The following ADGRL4 variants were observed in gnomAD, a reference collection of about 807,000 sequenced individuals.
ADGRL4 encodes EGF, latrophilin and seven transmembrane domain containing 1.
ADGRL4 carries 90 observed loss-of-function variants against 74.8 expected under a neutral mutation model. That is an observed-to-expected ratio of 1.20 (90% CI 1.02 to 1.43). ADGRL4 has a LOEUF of 1.43. ADGRL4 is among the 40% of genes most tolerant of loss of function. ADGRL4 has a pLI of 0.00. For synonymous variants in ADGRL4, 311 were observed against 279.2 expected, an observed-to-expected ratio of 1.11 and a Z score of -1.14; for missense variants, 881 against 814.3, an observed-to-expected ratio of 1.08 and a Z score of -1.00.
rs1650259841 is a variant in ADGRL4, at chr1:78,975,563, A to G, written c.173-29137T>C. ...GCCCAGGATGACATCTGACTTTGCCACTACTGCAATTTCTTAAACTCTAAA... is the reference window on the plus strand; with the variant it reads ...GCCCAGGATGACATCTGACTTTGCCGCTACTGCAATTTCTTAAACTCTAAA... On this transcript the variant is annotated intron_variant, in intron 2 of 14. Coordinates refer to ENST00000370742, the MANE Select transcript of ADGRL4 (RefSeq NM_022159.4). Among the ~76,000 whole-genome samples, 3 of 151,948 alleles carry G rather than the reference A, an allele frequency of 2.0e-5. 1 individual carries two copies. The highest frequency in any genetic ancestry group is 4.4e-5 in the Non-Finnish European group (3 of 67,938).
At chr1:78,931,902 C>T (rs1379316676) in intron 7 of ADGRL4, among the ~76,000 whole-genome samples, 2 of 151,384 alleles carry the variant, frequency 1.3e-5, no homozygotes, top group Non-Finnish European at 2.9e-5. Context: ...TATATATGCA[C>T]CCGATACAGG....
intron 2 of ADGRL4, among the ~76,000 whole-genome samples, chr1:78,979,797 G>C (rs895476835): frequency 7.2e-5 from 11 of 151,906 alleles, no homozygotes; most frequent in African/African-American, 2.2e-4. Flanking sequence ...AGTAACTTAG[G>C]AATAGAAAAG....
intron 2 of ADGRL4, among the ~76,000 whole-genome samples, chr1:78,957,959 T>G (rs1299665482): frequency 6.6e-6 from 1 of 152,130 alleles, no homozygotes; most frequent in Admixed American, 6.6e-5. Flanking sequence ...CATTTACCAT[T>G]CCAAATATCC....
chr1:78,900,297 T>G (rs966879727), intron 12 of ADGRL4, among the ~76,000 whole-genome samples: 3 of 152,086 alleles, frequency 2.0e-5, no homozygotes, highest in African/African-American at 7.2e-5. Context: ...CCAGAGACAT[T>G]GATATCTTGA....
At chr1:78,952,252 A>G (rs1199211202) in intron 2 of ADGRL4, among the ~76,000 whole-genome samples, 2 of 151,774 alleles carry the variant, frequency 1.3e-5, no homozygotes, top group Admixed American at 6.6e-5. Flanking sequence ...AAACTTGAAC[A>G]CTAAAATGAC....
chr1:79,004,147 G>A (rs1650909981), intron 2 of ADGRL4, among the ~76,000 whole-genome samples: 2 of 151,894 alleles, frequency 1.3e-5, no homozygotes, highest in Non-Finnish European at 2.9e-5. Flanking sequence ...ACAATATCCT[G>A]GCTTAATTAG....
At position 78,939,032 on chromosome 1, in the gene ADGRL4, G is replaced by C. The variant is rs144365134; in HGVS notation, c.396+156C>G. Among the ~76,000 whole-genome samples, 240 of 152,080 alleles carry C rather than the reference G, an allele frequency of 1.6e-3. 2 individuals are homozygous for C. Among genetic ancestry groups the C allele is most frequent in the Non-Finnish European group, 1.0e-3 (70 of 67,890 alleles). Reference sequence around the variant, plus strand: ...GGATTTTCAAATTAACCCTATCTTTGATGCAAACATGATGCTTAGATCTCT... The same window carrying C: ...GGATTTTCAAATTAACCCTATCTTTCATGCAAACATGATGCTTAGATCTCT... On this transcript the variant is annotated intron_variant, in intron 4 of 14. Coordinates refer to ENST00000370742, the MANE Select transcript of ADGRL4 (RefSeq NM_022159.4).
intron 9 of ADGRL4, 98 bp downstream of exon 9, chr1:78,921,515 C>G: frequency 1.3e-6 from 1 of 762,896 alleles, no homozygotes. Context: ...TATCTAAACC[C>G]AAGAAAAATA....
intron 8 of ADGRL4, among the ~76,000 whole-genome samples, chr1:78,925,814 T>C (rs1649100341): frequency 6.6e-6 from 1 of 152,092 alleles, no homozygotes. Flanking sequence ...TCTTGGCAAC[T>C]CTTTAGCTGC....
rs189510762 is a variant in ADGRL4 at position 78,917,335 on chromosome 1, G to A, written c.1749+299C>T. Reference sequence around the variant, plus strand: ...GCAGACATCTATACTCCATCAAGAGGGGCAAATGAATTGTAATAGCTTTGA... The same window carrying A: ...GCAGACATCTATACTCCATCAAGAGAGGCAAATGAATTGTAATAGCTTTGA... On this transcript the variant is annotated intron_variant, in intron 12 of 14. Coordinates refer to ENST00000370742, the MANE Select transcript of ADGRL4 (RefSeq NM_022159.4). Among the ~76,000 whole-genome samples, 150 of 151,344 alleles carry A rather than the reference G, an allele frequency of 9.9e-4. 1 individual carries two copies. The highest frequency in any genetic ancestry group is 3.5e-3 in the African/African-American group (143 of 41,368).
chr1:78,997,949 T>C lies in ADGRL4; in HGVS notation c.172+7121A>G, dbSNP rs531749917. ...TGGCATCAATTTTCAGTCTCAAGAG[T>C]TGCTTCCAGGCAGATGACCAAGTTT... is the stretch of plus-strand genomic sequence containing the variant. On this transcript the variant is annotated intron_variant, in intron 2 of 14. Coordinates refer to ENST00000370742, the MANE Select transcript of ADGRL4 (RefSeq NM_022159.4). Among the ~76,000 whole-genome samples, 113 of 152,120 alleles carry C rather than the reference T, an allele frequency of 7.4e-4. 1 individual carries two copies. In the South Asian group the frequency reaches 0.02, roughly 26 times the overall value.
rs550543490 is a variant in ADGRL4 at position 78,936,813 on chromosome 1, T to C, written c.761-402A>G. Among the ~76,000 whole-genome samples the C allele has an allele frequency of 6.6e-5, 10 of 152,314 alleles. No homozygotes were observed. The East Asian group carries it at 1.9e-3, about 29-fold the overall frequency. Reference sequence around the variant, plus strand: ...CCTTTGACCTGCTGTATTATCACCATTTTCATGCAGAAACATTATAAAAAT... The same window carrying C: ...CCTTTGACCTGCTGTATTATCACCACTTTCATGCAGAAACATTATAAAAAT... On this transcript the variant is annotated intron_variant, in intron 6 of 14. Coordinates refer to ENST00000370742, the MANE Select transcript of ADGRL4 (RefSeq NM_022159.4).
intron 2 of ADGRL4, among the ~76,000 whole-genome samples, chr1:78,979,907 G>A (rs1314805664): frequency 1.3e-5 from 2 of 151,964 alleles, no homozygotes; most frequent in Middle Eastern, 3.4e-3. Flanking sequence ...AGGAGGGAGA[G>A]ATGATAAAAT....
At chr1:78,913,932 T>C (rs1648816108) in intron 12 of ADGRL4, among the ~76,000 whole-genome samples, 1 of 151,888 alleles carries the variant, frequency 6.6e-6, no homozygotes, top group African/African-American at 2.4e-5. Context: ...GGTAAAAATT[T>C]GTTTAGTAGT....
At position 78,946,618 on chromosome 1, in the gene ADGRL4, T is replaced by C. The variant is rs372405517; in HGVS notation, c.173-192A>G. Among the ~76,000 whole-genome samples the C allele has an allele frequency of 1.4e-4, 22 of 152,304 alleles. 1 individual carries two copies. Among genetic ancestry groups the C allele is most frequent in the African/African-American group, 5.3e-4 (22 of 41,576 alleles). ...TGTTTATAATAAGAGATCTTCTTTG[T>C]AGTTGCAAAGCAAAATAGTATCTCT... On this transcript the variant is annotated intron_variant, in intron 2 of 14. Coordinates refer to ENST00000370742, the MANE Select transcript of ADGRL4 (RefSeq NM_022159.4).
chr1:78,959,404 T>C lies in ADGRL4; in HGVS notation c.173-12978A>G, dbSNP rs199685445. Among the ~76,000 whole-genome samples the C allele has an allele frequency of 1.3e-4, 20 of 152,306 alleles. No homozygotes were observed. The East Asian group carries it at 3.9e-3, about 29-fold the overall frequency. ...AGGCAGTGATTAATAAGTAGGCAAATTGGTTATGACACCATCACACACTCA... is the reference window on the plus strand; with the variant it reads ...AGGCAGTGATTAATAAGTAGGCAAACTGGTTATGACACCATCACACACTCA... On this transcript the variant is annotated intron_variant, in intron 2 of 14. Coordinates refer to ENST00000370742, the MANE Select transcript of ADGRL4 (RefSeq NM_022159.4).
At chr1:78,900,077 G>A (rs1486064419) in intron 12 of ADGRL4, among the ~76,000 whole-genome samples, 1 of 152,118 alleles carries the variant, frequency 6.6e-6, no homozygotes, top group Non-Finnish European at 1.5e-5. Context: ...TGGAGGTAGA[G>A]AAATTTAAGC....
intron 2 of ADGRL4, among the ~76,000 whole-genome samples, chr1:78,996,771 A>G (rs1305949043): frequency 6.6e-6 from 1 of 152,174 alleles, no homozygotes. Context: ...TTCTCAGCCC[A>G]TTGTTGTACA....
At chr1:78,944,134 G>A (rs1006505700) in intron 3 of ADGRL4, among the ~76,000 whole-genome samples, 2 of 152,056 alleles carry the variant, frequency 1.3e-5, no homozygotes, top group Non-Finnish European at 1.5e-5. Context: ...CTACTTCAAG[G>A]AACATGAACC....
Sources: gnomAD v4.1 joint callset for allele counts (sites outside exome capture counted in the v4.1 genomes callset) on GRCh38, gnomAD v4.1.1 for gene constraint, MANE v1.5 for transcripts, NCBI Gene and HGNC (gene_info 2026-07-23, HGNC 2026-07-21) for gene names.